The following CLASP2 variants were observed in gnomAD, a reference collection of about 807,000 sequenced individuals.
The protein encoded by CLASP2 is CLIP-associating protein 2.
Under a neutral mutation model 194.4 loss-of-function variants are expected in CLASP2, and 47 were observed. The ratio of observed to expected loss-of-function variants is 0.24; its 90% confidence interval spans 0.19 to 0.31. The LOEUF is 0.31. Among genes scored for constraint, CLASP2 ranks in the 10% least tolerant of loss-of-function variants. CLASP2 has a pLI of 1.00. For synonymous variants in CLASP2, 619 were observed against 633.5 expected, an observed-to-expected ratio of 0.98 and a Z score of 0.34; for missense variants, 1,445 against 1,823.6, an observed-to-expected ratio of 0.79 and a Z score of 3.78.
At chr3:33,574,784 T>A (rs2064484338) in intron 24 of CLASP2, among the ~76,000 whole-genome samples, 2 of 152,158 alleles carry the variant, frequency 1.3e-5, no homozygotes, top group Non-Finnish European at 2.9e-5. Flanking sequence ...CAAAGTTAAG[T>A]GTATTTCTAT....
intron 38 of CLASP2, 61 bp downstream of exon 38, chr3:33,501,591 T>C: frequency 9.8e-7 from 1 of 1,020,632 alleles, no homozygotes; most frequent in Non-Finnish European, 1.6e-6. Flanking sequence ...TACAGACATG[T>C]AACTAAGTTT....
intron 29 of CLASP2, among the ~76,000 whole-genome samples, chr3:33,551,926 G>C (rs1001128858): frequency 7.3e-5 from 11 of 151,598 alleles, no homozygotes; most frequent in African/African-American, 2.7e-4. Context: ...TAGCAATCAA[G>C]GTGGGCAATA....
chr3:33,619,796 C>G, intron 11 of CLASP2, 58 bp from the exon 12 acceptor site: 1 of 1,332,556 alleles, frequency 7.5e-7, no homozygotes, highest in Non-Finnish European at 9.9e-7. Flanking sequence ...TAGATAGAAC[C>G]ATATAATTTT....
At chr3:33,521,327 A>G (rs2053023183) in intron 34 of CLASP2, among the ~76,000 whole-genome samples, 1 of 152,198 alleles carries the variant, frequency 6.6e-6, no homozygotes, top group Non-Finnish European at 1.5e-5. Context: ...TTACAAAAAG[A>G]AAAAGTAATT....
intron 30 of CLASP2, among the ~76,000 whole-genome samples, chr3:33,550,392 C>CAAAAAAAAAAAAAAAAAAAA (rs555351261): frequency 1.9e-5 from 1 of 51,662 alleles, no homozygotes; most frequent in Non-Finnish European, 3.8e-5. Context: ...GAGACTGCCT[C>CAAAAAAAAAAAAAAAAAAAA]AAAAAAAAAA....
intron 34 of CLASP2, among the ~76,000 whole-genome samples, chr3:33,531,807 C>T (rs1444907822): frequency 6.6e-6 from 1 of 150,590 alleles, no homozygotes; most frequent in African/African-American, 2.5e-5. Flanking sequence ...ACAAAACCTA[C>T]AATGGGATAT....
intron 34 of CLASP2, among the ~76,000 whole-genome samples, chr3:33,520,323 C>T (rs1297470339): frequency 6.6e-6 from 1 of 152,172 alleles, no homozygotes; most frequent in Non-Finnish European, 1.5e-5. Flanking sequence ...TGTCTCTTGA[C>T]ATGAGAAGCT....
In CLASP2 at chr3:33,602,949, T is replaced by C. The variant is rs1447592439; in HGVS notation, c.1924+3A>G. The stretch of plus-strand genomic sequence containing the variant: ...TACAATTTTCCATAATCAGTTCTCT[T>C]ACCTAGTGACGCATAGGAACCTGCA... On this transcript the variant is annotated splice_donor_region_variant and intron_variant, in intron 18 of 38. Transcript: ENST00000682230. 1.2e-6 allele frequency: 2 copies of C among 1,607,952 alleles called. No homozygotes were observed. Among genetic ancestry groups the C allele is most frequent in the Non-Finnish European group, 1.7e-6 (2 of 1,176,914 alleles).
chr3:33,626,592 G>A (rs950863996), intron 10 of CLASP2, among the ~76,000 whole-genome samples: 5 of 152,072 alleles, frequency 3.3e-5, no homozygotes, highest in African/African-American at 1.2e-4. Flanking sequence ...AATTTACATT[G>A]ATGCTATGAA....
At chr3:33,658,912 G>C in intron 7 of CLASP2, 1 of 1,396,488 alleles carries the variant, frequency 7.2e-7, no homozygotes, top group East Asian at 2.5e-5. Flanking sequence ...CACAGCAAAT[G>C]ATCGTCACCT....
intron 12 of CLASP2, among the ~76,000 whole-genome samples, chr3:33,615,041 T>G (rs2075869561): frequency 6.6e-6 from 1 of 152,060 alleles, no homozygotes; most frequent in Non-Finnish European, 1.5e-5. Flanking sequence ...GTCAAATTTT[T>G]AGTCCCCATA....
At chr3:33,527,769 C>T (rs1217384464) in intron 34 of CLASP2, among the ~76,000 whole-genome samples, 4 of 152,100 alleles carry the variant, frequency 2.6e-5, no homozygotes, top group East Asian at 1.9e-4. Context: ...TGAGACCAGC[C>T]TGGCCAACAT....
chr3:33,649,551 T>C (rs905197579), intron 7 of CLASP2, among the ~76,000 whole-genome samples: 3 of 152,148 alleles, frequency 2.0e-5, no homozygotes, highest in Admixed American at 2.0e-4. Flanking sequence ...TTTTTATACG[T>C]AATAAAAGCA....
At chr3:33,610,342 A>G (rs1164053339) in intron 13 of CLASP2, among the ~76,000 whole-genome samples, 1 of 152,128 alleles carries the variant, frequency 6.6e-6, no homozygotes, top group Non-Finnish European at 1.5e-5. Flanking sequence ...CCTACTCCCC[A>G]GCCTTCAACC....
chr3:33,619,463 G>T (rs576361559), intron 12 of CLASP2, 140 bp downstream of exon 12: 2 of 695,614 alleles, frequency 2.9e-6, no homozygotes, highest in South Asian at 2.3e-5. Flanking sequence ...AAAATGATTT[G>T]CTTTTGGGGT....
At chr3:33,595,819 T>C (rs2070167298) in intron 19 of CLASP2, among the ~76,000 whole-genome samples, 1 of 152,010 alleles carries the variant, frequency 6.6e-6, no homozygotes, top group Non-Finnish European at 1.5e-5. Flanking sequence ...TGGGCTATCA[T>C]TTCATTCAAT....
chr3:33,545,367 T>C (rs907952118), intron 30 of CLASP2, among the ~76,000 whole-genome samples: 6 of 152,330 alleles, frequency 3.9e-5, no homozygotes, highest in African/African-American at 4.8e-5. Context: ...TCAAATTATA[T>C]AGAGACTTAA....
intron 6 of CLASP2, among the ~76,000 whole-genome samples, chr3:33,671,895 T>A (rs1575466379): frequency 6.6e-6 from 1 of 151,570 alleles, no homozygotes; most frequent in South Asian, 2.1e-4. Flanking sequence ...GGGAGAGGGG[T>A]GCCCGCCATT....
chr3:33,558,166 T>C (rs2061275220), intron 29 of CLASP2, among the ~76,000 whole-genome samples: 1 of 152,220 alleles, frequency 6.6e-6, no homozygotes. Flanking sequence ...TGGCTCTTTC[T>C]CTTTTAAATA....
Sources: gnomAD v4.1 joint callset for allele counts (sites outside exome capture counted in the v4.1 genomes callset) on GRCh38, gnomAD v4.1.1 for gene constraint, MANE v1.5 for transcripts, NCBI Gene and HGNC (gene_info 2026-07-23, HGNC 2026-07-21) for gene names.